The following NDRG1 variants were observed in gnomAD, a reference collection of about 807,000 sequenced individuals.
The protein encoded by NDRG1 is protein NDRG1.
A neutral mutation model predicts 56.9 loss-of-function variants in NDRG1; 32 were observed. The observed-to-expected ratio is 0.56, with a 90% CI of 0.42 to 0.76. NDRG1 has a LOEUF of 0.76. Ranked by LOEUF, NDRG1 falls within the 30% of genes least tolerant of loss-of-function variation. The probability of loss-of-function intolerance (pLI) is 0.00; values close to 1 mark genes in which losing one functional copy is unlikely to be tolerated. For missense variants in NDRG1, 507 were observed against 545.7 expected, an observed-to-expected ratio of 0.93 and a Z score of 0.71; for synonymous variants, 211 against 204.1, an observed-to-expected ratio of 1.03 and a Z score of -0.29.
rs1417950013 is a variant in NDRG1 at position 133,238,927 on chromosome 8, C to T, written c.1136G>A (p.Gly379Asp). The change falls in exon 16 of 16, where the codon GGT (glycine) becomes GAT (aspartate). Residue 379 changes from glycine (G) to aspartate (D), a missense_variant. Physicochemically the swap from Gly to Asp is moderately conservative, Grantham distance 94 (BLOSUM62 -1). Coordinates refer to ENST00000323851, the MANE Select transcript of NDRG1 (RefSeq NM_006096.4). ...GAHLDITPNS[G>D]AAGNSAGPKS... The stretch of plus-strand genomic sequence containing the variant: ...GGGCCCGGCGCTGTTCCCAGCAGCA[C>T]CCGAGTTGGGGGTGATGTCCAGGTG... 2.6e-6 allele frequency: 4 copies of T among 1,565,082 alleles called. No homozygotes were observed. The East Asian group carries it at 7.0e-5, about 28-fold the overall frequency.
intron 3 of NDRG1, among the ~76,000 whole-genome samples, chr8:133,267,392 G>A (rs377114284): frequency 6.6e-5 from 10 of 152,114 alleles, no homozygotes; most frequent in South Asian, 2.1e-4. Context: ...ACCCGGGCCC[G>A]CCCAGCACGG....
At position 133,265,300 on chromosome 8, in the gene NDRG1, C is replaced by T. The variant is rs77689049; in HGVS notation, c.100-648G>A. Among the ~76,000 whole-genome samples, 684 of 152,324 alleles carry T rather than the reference C, an allele frequency of 4.5e-3. 1 individual carries two copies. The highest frequency in any genetic ancestry group is 0.015 in the African/African-American group (637 of 41,564). On this transcript the variant is annotated intron_variant, in intron 3 of 15. Transcript: ENST00000323851. The stretch of plus-strand genomic sequence containing the variant: ...ATTTCTAGTAATTGGGGAACTGGAT[C>T]GGACTTGATGGAGCAAGGTTGGGAG...
Position 133,246,628 on chromosome 8 carries a change from G to C in NDRG1, c.843C>G (p.Thr281=). Residue 281 remains threonine, a synonymous_variant, in exon 13 of 16, where the codon ACC becomes ACG. Transcript: ENST00000323851. ...ECNSKLDPTK[T]TLLKMADCGG... ...GTTTTCCCTGTACCTTGAGGAGAGTGGTCTTTGTTGGGTCCAATTTTGAGT... is the reference window on the plus strand; with the variant it reads ...GTTTTCCCTGTACCTTGAGGAGAGTCGTCTTTGTTGGGTCCAATTTTGAGT... 2 of 1,614,156 alleles carry C rather than the reference G, an allele frequency of 1.2e-6. No individual in the cohort carries two copies. Among genetic ancestry groups the C allele is most frequent in the South Asian group, 1.1e-5 (1 of 91,084 alleles).
At chr8:133,262,428 GGGTTCCCA>G (rs1431571134) in intron 4 of NDRG1, among the ~76,000 whole-genome samples, 5 of 152,100 alleles carry the variant, frequency 3.3e-5, no homozygotes, top group Non-Finnish European at 5.9e-5. Context: ...GTGCTGGAAG[GGGTTCCCA>G]GGCTGGCTCC....
In NDRG1 at chr8:133,244,365, T is replaced by C; in HGVS notation, c.881A>G (p.Gln294Arg). ...CAACATGGCACTCACCTGGGAGATCTGCGGGAGGCCGCCACAGTCCGCCAT... is the reference window on the plus strand; with the variant it reads ...CAACATGGCACTCACCTGGGAGATCCGCGGGAGGCCGCCACAGTCCGCCAT... ...LKMADCGGLP[Q>R]ISQPAKLAEA... is the part of the protein sequence containing the mutation. The change falls in exon 14 of 16, where the codon CAG (glutamine) becomes CGG (arginine). Residue 294 changes from glutamine to arginine, a missense_variant. Gln to Arg is a conservative substitution (Grantham distance 43). Transcript: ENST00000323851. 1 of 1,614,242 alleles carries C rather than the reference T, an allele frequency of 6.2e-7. No individual in the cohort carries two copies. Among genetic ancestry groups the C allele is most frequent in the Non-Finnish European group, 8.5e-7 (1 of 1,180,038 alleles).
At position 133,244,355 on chromosome 8, in the gene NDRG1, C is replaced by T; in HGVS notation, c.891G>A (p.Gln297=). 1 of 1,614,208 alleles carries T rather than the reference C, an allele frequency of 6.2e-7. No homozygotes were observed. Among genetic ancestry groups the T allele is most frequent in the Non-Finnish European group, 8.5e-7 (1 of 1,180,034 alleles). The part of the protein sequence containing the change: ...ADCGGLPQIS[Q]PAKLAEAFKY... ...ATGCAAAAGCCAACATGGCACTCAC[C>T]TGGGAGATCTGCGGGAGGCCGCCAC... Residue 297 remains glutamine (Q), a splice_region_variant and synonymous_variant, in exon 14 of 16, where the codon CAG becomes CAA. Transcript: ENST00000323851.
At chr8:133,257,562 T>C (rs1856448841) in intron 7 of NDRG1, among the ~76,000 whole-genome samples, 1 of 152,186 alleles carries the variant, frequency 6.6e-6, no homozygotes, top group African/African-American at 2.4e-5. Context: ...TAAGTATTGA[T>C]GTATCTAAGC....
chr8:133,288,872 A>C (rs1009689582), intron 1 of NDRG1, among the ~76,000 whole-genome samples: 2 of 152,096 alleles, frequency 1.3e-5, no homozygotes, highest in African/African-American at 4.8e-5. Flanking sequence ...CTTAGCACCA[A>C]AAACAGGGCT....
chr8:133,266,606 GGTACGAGGCAGCC>G (rs1396805476), intron 3 of NDRG1, among the ~76,000 whole-genome samples: 4 of 152,102 alleles, frequency 2.6e-5, no homozygotes, highest in Non-Finnish European at 5.9e-5. Context: ...CCCGTGAAGT[GGTACGAGGCAGCC>G]ACCCCCACGC....
intron 5 of NDRG1, 120 bp from the exon 6 acceptor site, chr8:133,259,350 C>G: frequency 3.1e-6 from 3 of 968,454 alleles, no homozygotes; most frequent in Admixed American, 3.6e-5. Context: ...CAGACCCCCC[C>G]ACCCCCAAGT....
intron 14 of NDRG1, 133 bp from the exon 15 acceptor site, chr8:133,242,207 G>A (rs1237568547): frequency 4.6e-6 from 4 of 871,072 alleles, no homozygotes; most frequent in African/African-American, 1.7e-5. Context: ...GTGTTGACAG[G>A]ACAAAACACA....
chr8:133,257,816 T>C (rs1217500175), intron 7 of NDRG1, among the ~76,000 whole-genome samples: 1 of 152,212 alleles, frequency 6.6e-6, no homozygotes, highest in East Asian at 1.9e-4. Context: ...TGTTGTAGAA[T>C]CATGTCAGTA....
intron 15 of NDRG1, chr8:133,239,482 G>C: frequency 2.4e-6 from 1 of 421,058 alleles, no homozygotes; most frequent in South Asian, 2.3e-5. Flanking sequence ...ATCAGCACCT[G>C]TGTGTACGCC....
chr8:133,244,403 G>C lies in NDRG1; in HGVS notation c.856-13C>G, dbSNP rs1855552482. ...CACAGTCCGCCATCTAGGAGAGAGG[G>C]AAGCTCGTTAGTGCCAAACACCACA... is the stretch of plus-strand genomic sequence containing the variant. On this transcript the variant is annotated splice_polypyrimidine_tract_variant and intron_variant, in intron 13 of 15. Coordinates refer to ENST00000323851, the MANE Select transcript of NDRG1 (RefSeq NM_006096.4). 7 of 1,614,104 alleles carry C rather than the reference G, an allele frequency of 4.3e-6. No homozygotes were observed. The highest frequency in any genetic ancestry group is 5.1e-6 in the Non-Finnish European group (6 of 1,180,032).
intron 5 of NDRG1, among the ~76,000 whole-genome samples, chr8:133,260,350 C>A (rs993033536): frequency 6.6e-6 from 1 of 152,316 alleles, no homozygotes; most frequent in South Asian, 2.1e-4. Flanking sequence ...TCCCTCACCC[C>A]TCCCAAGCCC....
At chr8:133,258,535 G>C (rs1180447140) in intron 6 of NDRG1, 109 bp from the exon 7 acceptor site, 2 of 1,047,736 alleles carry the variant, frequency 1.9e-6, no homozygotes, top group Non-Finnish European at 2.9e-6. Context: ...CAATGCGGGA[G>C]CATGCTGCCG....
intron 2 of NDRG1, 56 bp from the exon 3 acceptor site, chr8:133,280,323 A>C: frequency 1.3e-6 from 2 of 1,559,438 alleles, no homozygotes; most frequent in Non-Finnish European, 1.8e-6. Flanking sequence ...TAAGAGAAAT[A>C]ATATTGGGAC....
intron 1 of NDRG1, among the ~76,000 whole-genome samples, chr8:133,289,787 G>C (rs1019349795): frequency 6.6e-6 from 1 of 152,220 alleles, no homozygotes; most frequent in Admixed American, 6.5e-5. Context: ...CAGAGCCTGT[G>C]ATTCCCAAAA....
intron 5 of NDRG1, among the ~76,000 whole-genome samples, chr8:133,261,128 C>CAT (rs1856640657): frequency 1.3e-5 from 2 of 152,226 alleles, no homozygotes; most frequent in Non-Finnish European, 2.9e-5. Flanking sequence ...TTTTTGGAGA[C>CAT]AGAGTCTTGC....
Sources: gnomAD v4.1 joint callset for allele counts (sites outside exome capture counted in the v4.1 genomes callset) on GRCh38, gnomAD v4.1.1 for gene constraint, MANE v1.5 for transcripts, NCBI Gene and HGNC (gene_info 2026-07-23, HGNC 2026-07-21) for gene names.